HTR4: variants seen among roughly 807,000 people sequenced by gnomAD.
HTR4 encodes 5-hydroxytryptamine (serotonin) receptor 4, G protein-coupled.
Under a neutral mutation model 36.8 loss-of-function variants are expected in HTR4, and 16 were observed. That is an observed-to-expected ratio of 0.43 (90% CI 0.29 to 0.66). The LOEUF (loss-of-function observed/expected upper bound fraction) is 0.66, where lower values mean the gene tolerates loss of function less well. Among genes scored for constraint, HTR4 ranks in the 30% least tolerant of loss-of-function variants. The probability of loss-of-function intolerance (pLI) is 0.13; values close to 1 mark genes in which losing one functional copy is unlikely to be tolerated. For synonymous variants in HTR4, 189 were observed against 185.1 expected (o/e 1.02, Z -0.17); for missense variants, 438 against 490.9 (o/e 0.89, Z 1.02).
At chr5:148,508,686 A>C (rs1581399574) in intron 6 of HTR4, among the ~76,000 whole-genome samples, 1 of 152,050 alleles carries the variant, frequency 6.6e-6, no homozygotes, top group South Asian at 2.1e-4. Context: ...TTGCCCATAC[A>C]TCCATTATAT....
At chr5:148,561,178 C>T (rs181428167) in intron 2 of HTR4, among the ~76,000 whole-genome samples, 5 of 152,182 alleles carry the variant, frequency 3.3e-5, no homozygotes, top group Non-Finnish European at 5.9e-5. Flanking sequence ...GAGGCAAAAT[C>T]TTAATAGACT....
At chr5:148,604,380 T>C (rs1752052456) in intron 2 of HTR4, among the ~76,000 whole-genome samples, 1 of 152,020 alleles carries the variant, frequency 6.6e-6, no homozygotes, top group South Asian at 2.1e-4. Flanking sequence ...AAAAAAGATA[T>C]CAATACCAGC....
chr5:148,452,718 TGA>T (rs1006564674), intron 5 of HTR4, among the ~76,000 whole-genome samples: 5 of 152,094 alleles, frequency 3.3e-5, no homozygotes, highest in African/African-American at 1.2e-4. Context: ...CAGCTGTTGT[TGA>T]GAGAGAGCTA....
At chr5:148,630,692 T>G (rs1015883760) in intron 2 of HTR4, among the ~76,000 whole-genome samples, 4 of 152,168 alleles carry the variant, frequency 2.6e-5, no homozygotes, top group African/African-American at 9.7e-5. Context: ...TATCTACCTC[T>G]CATGATACTC....
intron 2 of HTR4, among the ~76,000 whole-genome samples, chr5:148,632,173 G>T (rs760305318): frequency 6.6e-6 from 1 of 152,044 alleles, no homozygotes; most frequent in Non-Finnish European, 1.5e-5. Flanking sequence ...AAGACGAAGC[G>T]ATTAAAAGGG....
intron 2 of HTR4, among the ~76,000 whole-genome samples, chr5:148,622,468 C>T (rs1356535121): frequency 6.6e-6 from 1 of 152,194 alleles, no homozygotes; most frequent in Non-Finnish European, 1.5e-5. Flanking sequence ...CACCATGCCT[C>T]TCTACCAATA....
At chr5:148,496,509 A>G (rs1157949091) in intron 6 of HTR4, among the ~76,000 whole-genome samples, 1 of 152,236 alleles carries the variant, frequency 6.6e-6, no homozygotes, top group Non-Finnish European at 1.5e-5. Flanking sequence ...AAGCCTCAGA[A>G]AGAACCTATG....
intron 5 of HTR4, among the ~76,000 whole-genome samples, chr5:148,454,518 C>T (rs1400523406): frequency 6.6e-6 from 1 of 152,050 alleles, no homozygotes; most frequent in East Asian, 1.9e-4. Flanking sequence ...TACACATAGC[C>T]TTAATGGCTT....
At chr5:148,469,349 CT>C (rs1277508616) in intron 5 of HTR4, among the ~76,000 whole-genome samples, 12 of 152,184 alleles carry the variant, frequency 7.9e-5, no homozygotes, top group African/African-American at 2.9e-4. Flanking sequence ...GTGATCTTAA[CT>C]TTGTTTAAAC....
intron 4 of HTR4, among the ~76,000 whole-genome samples, chr5:148,537,404 G>A (rs550644315): frequency 1.3e-5 from 2 of 152,084 alleles, no homozygotes; most frequent in African/African-American, 2.4e-5. Context: ...TGAATTGAAG[G>A]AAATCAAGAC....
chr5:148,467,153 A>C (rs962849732), intron 5 of HTR4, among the ~76,000 whole-genome samples: 6 of 152,242 alleles, frequency 3.9e-5, no homozygotes, highest in African/African-American at 1.4e-4. Flanking sequence ...AAGGGTAGCC[A>C]AAACCATTCC....
At chr5:148,457,192 C>T (rs974598691) in intron 5 of HTR4, among the ~76,000 whole-genome samples, 7 of 152,042 alleles carry the variant, frequency 4.6e-5, no homozygotes, top group South Asian at 2.1e-4. Flanking sequence ...CCATTTGGTG[C>T]GAGATCTTAC....
chr5:148,558,044 C>G (rs528425663), intron 2 of HTR4, among the ~76,000 whole-genome samples: 1 of 151,954 alleles, frequency 6.6e-6, no homozygotes, highest in East Asian at 1.9e-4. Flanking sequence ...TGAAAATATA[C>G]ACAGCACATC....
At chr5:148,495,243 C>A (rs1756632887) in intron 6 of HTR4, among the ~76,000 whole-genome samples, 1 of 152,130 alleles carries the variant, frequency 6.6e-6, no homozygotes. Flanking sequence ...GTTAGCAAAG[C>A]AAATTCACAT....
intron 2 of HTR4, among the ~76,000 whole-genome samples, chr5:148,616,481 A>T (rs1752694265): frequency 6.6e-6 from 1 of 152,120 alleles, no homozygotes; most frequent in African/African-American, 2.4e-5. Context: ...TTACAAGGGC[A>T]TGTTCTATCT....
chr5:148,533,729 C>G (rs377235956), intron 4 of HTR4, among the ~76,000 whole-genome samples: 4 of 152,324 alleles, frequency 2.6e-5, no homozygotes, highest in African/African-American at 9.6e-5. Flanking sequence ...GAATCAGTTA[C>G]TAACCTCAAG....
intron 2 of HTR4, among the ~76,000 whole-genome samples, chr5:148,633,056 A>AACAGAC (rs766522817): frequency 5.4e-4 from 82 of 152,218 alleles, no homozygotes; most frequent in Non-Finnish European, 9.1e-4. Context: ...AGGAGGAAAA[A>AACAGAC]ACAGACCAAT....
chr5:148,645,930 C>G (rs1014502902), intron 1 of HTR4: 5 of 152,194 alleles, frequency 3.3e-5, no homozygotes, highest in Non-Finnish European at 7.3e-5. Context: ...CCCAAAGGTT[C>G]TTGTCATTAC....
downstream of HTR4, among the ~76,000 whole-genome samples, chr5:148,478,828 A>G (rs1265340406): frequency 6.6e-6 from 1 of 152,116 alleles, no homozygotes; most frequent in East Asian, 1.9e-4. Flanking sequence ...CCCAAGAGGT[A>G]AACAAAAGAG....
Sources: gnomAD v4.1 joint callset for allele counts (sites outside exome capture counted in the v4.1 genomes callset) on GRCh38, gnomAD v4.1.1 for gene constraint, MANE v1.5 for transcripts, NCBI Gene and HGNC (gene_info 2026-07-23, HGNC 2026-07-21) for gene names.